Variants in TTC34 observed in about 807,000 individuals in gnomAD.
TTC34 encodes the protein tetratricopeptide repeat domain 34.
TTC34 carries 44 observed loss-of-function variants against 40.7 expected under a neutral mutation model. The observed-to-expected ratio is 1.08, with a 90% confidence interval of 0.85 to 1.39. The LOEUF (loss-of-function observed/expected upper bound fraction) is 1.39. Among genes scored for constraint, TTC34 ranks in the 40% most tolerant of loss-of-function variants. The probability of loss-of-function intolerance (pLI) is 0.00; values close to 1 mark genes in which losing one functional copy is unlikely to be tolerated. For synonymous variants in TTC34, 422 were observed against 398.6 expected (o/e 1.06, Z -0.70); for missense variants, 884 against 838.0 (o/e 1.05, Z -0.68).
At chr1:2,769,920 T>G (rs1205060405) in intron 6 of TTC34, among the ~76,000 whole-genome samples, 2 of 35,148 alleles carry the variant, frequency 5.7e-5, no homozygotes, top group Non-Finnish European at 5.0e-5. Context: ...TACCCCCAGG[T>G]GAGATCTGAC....
At chr1:2,685,836 C>G (rs1570812213) in intron 6 of TTC34, among the ~76,000 whole-genome samples, 1 of 135,940 alleles carries the variant, frequency 7.4e-6, no homozygotes. Flanking sequence ...ACGGCACCCC[C>G]ATGCCCAGGT....
intron 6 of TTC34, among the ~76,000 whole-genome samples, chr1:2,755,005 T>G (rs1264071926): frequency 5.6e-4 from 18 of 32,372 alleles, no homozygotes; most frequent in Admixed American, 7.0e-4. Flanking sequence ...TCACAGCACG[T>G]AACAGCACCC....
At chr1:2,637,000 A>T (rs1454513701) in exon 9 of TTC34, 5 of 152,182 alleles carry the variant, frequency 3.3e-5, no homozygotes, top group Non-Finnish European at 7.3e-5. Context: ...AGAAGGGCAG[A>T]GAAGAATTTT....
intron 6 of TTC34, among the ~76,000 whole-genome samples, chr1:2,651,675 C>T (rs1229843815): frequency 6.7e-6 from 1 of 150,136 alleles, no homozygotes; most frequent in African/African-American, 2.5e-5. Context: ...GAAGTCACCC[C>T]CACACCCAGG....
intron 6 of TTC34, among the ~76,000 whole-genome samples, chr1:2,657,469 G>A (rs1367545896): frequency 3.3e-5 from 3 of 91,578 alleles, no homozygotes; most frequent in Non-Finnish European, 8.4e-5. Flanking sequence ...GCCCCCAGGC[G>A]AGCATCTGAC....
intron 6 of TTC34, among the ~76,000 whole-genome samples, chr1:2,673,345 G>A (rs1239304803): frequency 2.2e-3 from 114 of 52,776 alleles, no homozygotes; most frequent in Non-Finnish European, 4.1e-3. Flanking sequence ...AGCCTGGAGC[G>A]GAACCCACGG....
At chr1:2,785,795 T>G (rs566677333) in intron 5 of TTC34, 24 bp downstream of exon 5, 2 of 1,539,242 alleles carry the variant, frequency 1.3e-6, no homozygotes, top group East Asian at 2.5e-5. Context: ...GACTGGGCCC[T>G]GGGGGCAGGT....
chr1:2,683,341 C>A (rs76377643), intron 6 of TTC34, among the ~76,000 whole-genome samples: 1 of 38,298 alleles, frequency 2.6e-5, no homozygotes, highest in South Asian at 6.9e-4. Flanking sequence ...GACTGGAACA[C>A]CACCCTGCAC....
exon 9 of TTC34, chr1:2,639,474 T>A (rs1188445023): frequency 1.3e-5 from 2 of 152,528 alleles, no homozygotes; most frequent in Non-Finnish European, 2.9e-5. Flanking sequence ...GCCCTTCTGC[T>A]GTGACCAGGC....
At chr1:2,755,780 ACAC>A (rs1641484675) in intron 6 of TTC34, among the ~76,000 whole-genome samples, 1 of 89,266 alleles carries the variant, frequency 1.1e-5, no homozygotes. Context: ...AACGGCACCC[ACAC>A]CCCCAGGTGA....
chr1:2,686,374 T>A (rs1233391878), intron 6 of TTC34, among the ~76,000 whole-genome samples: 32 of 108,710 alleles, frequency 2.9e-4, no homozygotes, highest in African/African-American at 6.5e-4. Flanking sequence ...CAGGTGCGCA[T>A]GTGATGGTCT....
chr1:2,775,982 G>A (rs1192763100), intron 6 of TTC34: 1 of 109,416 alleles, frequency 9.1e-6, no homozygotes, highest in Non-Finnish European at 1.7e-5. Context: ...ACCTGGGGAC[G>A]CGTGGAAAAC....
intron 4 of TTC34, among the ~76,000 whole-genome samples, 191 bp from the exon 5 acceptor site, chr1:2,786,214 C>T (rs1643586982): frequency 6.6e-6 from 1 of 152,176 alleles, no homozygotes; most frequent in Non-Finnish European, 1.5e-5. Context: ...ATTCCTCACC[C>T]CACCCTCTCT....
intron 6 of TTC34, among the ~76,000 whole-genome samples, chr1:2,700,157 G>A (rs894257126): frequency 9.5e-6 from 1 of 105,604 alleles, no homozygotes; most frequent in Admixed American, 1.0e-4. Flanking sequence ...GGACATCCTG[G>A]AGCATCACAT....
At chr1:2,749,633 AG>A (rs1254057448) in intron 6 of TTC34, among the ~76,000 whole-genome samples, 1 of 111,598 alleles carries the variant, frequency 9.0e-6, no homozygotes, top group Non-Finnish European at 1.7e-5. Flanking sequence ...GGTCTGGAGC[AG>A]CCCCCACACC....
chr1:2,688,395 G>C, intron 6 of TTC34, among the ~76,000 whole-genome samples: 1 of 152,088 alleles, frequency 6.6e-6, no homozygotes, highest in Non-Finnish European at 1.5e-5. Context: ...TGACAGCCTG[G>C]AACAGCACCC....
intron 8 of TTC34, among the ~76,000 whole-genome samples, chr1:2,643,620 C>T (rs941781456): frequency 1.3e-5 from 2 of 152,150 alleles, no homozygotes; most frequent in Non-Finnish European, 2.9e-5. Flanking sequence ...CTCTAGGTCC[C>T]GATAACCCAA....
intron 7 of TTC34, among the ~76,000 whole-genome samples, chr1:2,644,731 C>T (rs929495194): frequency 1.1e-4 from 17 of 152,214 alleles, no homozygotes; most frequent in Admixed American, 3.3e-4. Context: ...CTTTCTCTCC[C>T]GGGCAACTAG....
At chr1:2,755,756 A>C (rs1641483253) in intron 6 of TTC34, among the ~76,000 whole-genome samples, 1 of 140,788 alleles carries the variant, frequency 7.1e-6, no homozygotes, top group African/African-American at 2.8e-5. Flanking sequence ...CCAGGCGAGC[A>C]TCTGACAGCC....
Sources: allele counts gnomAD v4.1 joint callset (sites outside exome capture counted in the v4.1 genomes callset), GRCh38; gene constraint gnomAD v4.1.1; transcripts MANE v1.5; gene names NCBI Gene and HGNC (gene_info 2026-07-23, HGNC 2026-07-21).